The following CTNNA2 variants were observed in gnomAD, a reference collection of about 807,000 sequenced individuals.
CTNNA2 encodes catenin alpha 2, also known as catenin alpha-2.
Under a neutral mutation model 101.0 loss-of-function variants are expected in CTNNA2, and 42 were observed. That is an observed-to-expected ratio of 0.42 (90% CI 0.32 to 0.54). The LOEUF (loss-of-function observed/expected upper bound fraction) is 0.54, where lower values mean the gene tolerates loss of function less well. Ranked by LOEUF, CTNNA2 falls within the 20% of genes least tolerant of loss-of-function variation. CTNNA2 has a pLI of 0.14. For synonymous variants in CTNNA2, 450 were observed against 456.4 expected, an observed-to-expected ratio of 0.99 and a Z score of 0.18; for missense variants, 871 against 1,223.1, an observed-to-expected ratio of 0.71 and a Z score of 4.29.
At chr2:80,298,936 C>T (rs1675998257) in intron 7 of CTNNA2, 5 of 152,160 alleles carry the variant, frequency 3.3e-5, no homozygotes, top group Admixed American at 3.3e-4. Context: ...CCTGCTTCCT[C>T]TGGTCCAACC....
At chr2:79,442,129 T>C (rs1001563570) in intron 4 of CTNNA2, among the ~76,000 whole-genome samples, 1 of 152,226 alleles carries the variant, frequency 6.6e-6, no homozygotes, top group Admixed American at 6.5e-5. Context: ...CTGACATTTA[T>C]ATATGCTCCA....
intron 11 of CTNNA2, among the ~76,000 whole-genome samples, chr2:80,554,344 T>C (rs1446243271): frequency 2.0e-5 from 3 of 152,226 alleles, no homozygotes; most frequent in South Asian, 2.1e-4. Context: ...TTGGCAGTTA[T>C]AATTTTAAAA....
chr2:80,026,434 C>T (rs1220211314), intron 7 of CTNNA2, among the ~76,000 whole-genome samples: 4 of 152,150 alleles, frequency 2.6e-5, no homozygotes, highest in Admixed American at 6.5e-5. Flanking sequence ...GTGACTTAAC[C>T]TTTCAGTCTT....
intron 4 of CTNNA2, among the ~76,000 whole-genome samples, chr2:79,400,976 C>T (rs1446834755): frequency 6.6e-6 from 1 of 151,864 alleles, no homozygotes; most frequent in Admixed American, 6.6e-5. Flanking sequence ...AAGAAAAACA[C>T]TATCAACTAA....
At chr2:79,273,257 C>T (rs542526826) in intron 2 of CTNNA2, among the ~76,000 whole-genome samples, 8 of 152,174 alleles carry the variant, frequency 5.3e-5, no homozygotes, top group African/African-American at 1.9e-4. Flanking sequence ...GCATTATTAT[C>T]ATCTCCAGTT....
intron 7 of CTNNA2, among the ~76,000 whole-genome samples, chr2:80,196,981 C>T (rs1293122471): frequency 6.6e-6 from 1 of 152,154 alleles, no homozygotes; most frequent in Non-Finnish European, 1.5e-5. Context: ...AACCCGCTGC[C>T]CTTTTTCTTT....
At chr2:80,354,269 G>A (rs1425317155) in intron 7 of CTNNA2, among the ~76,000 whole-genome samples, 1 of 152,140 alleles carries the variant, frequency 6.6e-6, no homozygotes, top group African/African-American at 2.4e-5. Flanking sequence ...CTAGAAGGAA[G>A]TGTACATGTA....
intron 4 of CTNNA2, among the ~76,000 whole-genome samples, chr2:79,493,217 A>AGGAGGGAAGG (rs1354713985): frequency 2.7e-5 from 4 of 150,942 alleles, no homozygotes; most frequent in Non-Finnish European, 5.9e-5. Flanking sequence ...AAAGAAAAAC[A>AGGAGGGAAGG]GGAGGGAAGG....
chr2:79,194,269 G>C (rs1347500179), intron 1 of CTNNA2, among the ~76,000 whole-genome samples: 3 of 152,206 alleles, frequency 2.0e-5, no homozygotes, highest in Admixed American at 1.3e-4. Flanking sequence ...GTTGTTAAAA[G>C]AGGTGACATG....
intron 7 of CTNNA2, among the ~76,000 whole-genome samples, chr2:80,196,663 G>C (rs189158141): frequency 5.3e-5 from 8 of 152,134 alleles, no homozygotes; most frequent in South Asian, 2.1e-4. Flanking sequence ...CTGCTGGAAT[G>C]GCCAATGATT....
chr2:79,663,166 C>G (rs1259535715), intron 2 of CTNNA2, among the ~76,000 whole-genome samples: 1 of 152,164 alleles, frequency 6.6e-6, no homozygotes, highest in East Asian at 1.9e-4. Context: ...CACTTTCCAA[C>G]TCTGCTGCTA....
chr2:80,337,845 A>C (rs1464264889), intron 7 of CTNNA2, among the ~76,000 whole-genome samples: 6 of 152,274 alleles, frequency 3.9e-5, no homozygotes, highest in African/African-American at 1.4e-4. Flanking sequence ...AGCCCCTTAT[A>C]GTAAGCGAAT....
chr2:80,302,753 G>C lies in CTNNA2; in HGVS notation c.1057-90458G>C. Reference sequence around the variant, plus strand: ...CTCGCACAGGTGGAAGGCGTACACGGCGTCCAGGACGTCCTCGCCCTGTGC... The same window carrying C: ...CTCGCACAGGTGGAAGGCGTACACGCCGTCCAGGACGTCCTCGCCCTGTGC... On this transcript the variant is annotated intron_variant, in intron 7 of 18. Transcript: ENST00000402739. This position sits in a 1 kb window ranked among gnomAD's most constrained non-coding sequence, Gnocchi z 6.4. 6.2e-7 allele frequency: 1 copy of C among 1,613,190 alleles called. No homozygotes were observed. Among genetic ancestry groups the C allele is most frequent in the Non-Finnish European group, 8.5e-7 (1 of 1,179,892 alleles).
At chr2:79,991,111 G>A (rs563159248) in intron 7 of CTNNA2, among the ~76,000 whole-genome samples, 10 of 152,072 alleles carry the variant, frequency 6.6e-5, no homozygotes, top group Admixed American at 3.3e-4. Context: ...TTGTGGGATC[G>A]GTCGTGATAT....
At chr2:79,496,722 T>G (rs1671260414) in intron 4 of CTNNA2, among the ~76,000 whole-genome samples, 1 of 151,912 alleles carries the variant, frequency 6.6e-6, no homozygotes, top group Admixed American at 6.6e-5. Flanking sequence ...ATTTTATATA[T>G]GTATTTATTT....
chr2:79,888,231 T>C (rs1437845327), intron 6 of CTNNA2, among the ~76,000 whole-genome samples: 1 of 151,978 alleles, frequency 6.6e-6, no homozygotes. Context: ...GGGTGGTGAG[T>C]CAAGGCTGGT....
chr2:79,373,021 T>A (rs1180235569), intron 3 of CTNNA2, among the ~76,000 whole-genome samples: 1 of 152,096 alleles, frequency 6.6e-6, no homozygotes, highest in Non-Finnish European at 1.5e-5. Context: ...TAAAAGATAA[T>A]AAGGTGAATA....
At chr2:79,950,224 A>AT (rs1688786091) in intron 7 of CTNNA2, among the ~76,000 whole-genome samples, 1 of 151,588 alleles carries the variant, frequency 6.6e-6, no homozygotes, top group Non-Finnish European at 1.5e-5. Flanking sequence ...TGAGAGAAAA[A>AT]TTGTATTCAT....
At chr2:80,560,102 T>G in intron 12 of CTNNA2, among the ~76,000 whole-genome samples, 1 of 151,620 alleles carries the variant, frequency 6.6e-6, no homozygotes, top group Non-Finnish European at 1.5e-5. Flanking sequence ...AAGGGTTCTA[T>G]GTTATGGAGC....
Sources: gnomAD v4.1 joint callset for allele counts (sites outside exome capture counted in the v4.1 genomes callset) on GRCh38, gnomAD v4.1.1 for gene constraint, Gnocchi (gnomAD v3.1) non-coding constraint, MANE v1.5 for transcripts, NCBI Gene and HGNC (gene_info 2026-07-23, HGNC 2026-07-21) for gene names.